Variants in ABHD17B observed in about 807,000 individuals in gnomAD.
ABHD17B encodes alpha/beta hydrolase domain-containing protein 17B.
ABHD17B carries 9 observed loss-of-function variants against 26.2 expected under a neutral mutation model. The ratio of observed to expected loss-of-function variants is 0.34; its 90% confidence interval spans 0.21 to 0.60. The LOEUF (loss-of-function observed/expected upper bound fraction) is 0.60, where lower values mean the gene tolerates loss of function less well. ABHD17B is among the 20% of genes least tolerant of loss of function. The pLI, the probability that ABHD17B is intolerant of heterozygous loss-of-function variation, is 0.80. For synonymous variants in ABHD17B, 127 were observed against 122.3 expected (o/e 1.04, Z -0.25); for missense variants, 224 against 352.1 (o/e 0.64, Z 2.91).
intron 1 of ABHD17B, among the ~76,000 whole-genome samples, chr9:71,877,235 G>C (rs1826303233): frequency 6.6e-6 from 1 of 152,208 alleles, no homozygotes; most frequent in Non-Finnish European, 1.5e-5. Flanking sequence ...CCTGCAGAAA[G>C]ATGATGAGGT....
chr9:71,865,725 G>A lies in ABHD17B; in HGVS notation c.*1062C>T, dbSNP rs755275458. ...AAAATACAAAAATTAGCCAGGCGTG[G>A]TGGCAAGCATCTGTAATACCAGCTA... On this transcript the variant is annotated 3_prime_UTR_variant, in exon 4 of 4. Coordinates refer to ENST00000333421, the MANE Select transcript of ABHD17B (RefSeq NM_001025780.3). The A allele has an allele frequency of 1.5e-5, 9 of 584,190 alleles. No individual in the cohort carries two copies. The highest frequency in any genetic ancestry group is 7.6e-5 in the South Asian group (1 of 13,110). 36.2% of individuals were successfully genotyped at this position (584,190 alleles called of 1,614,324 possible).
At position 71,898,525 on chromosome 9, in the gene ABHD17B, A is replaced by G. The variant is rs556032085; in HGVS notation, c.-4+12109T>C. On this transcript the variant is annotated intron_variant, in intron 1 of 3. Coordinates refer to ENST00000333421, the MANE Select transcript of ABHD17B (RefSeq NM_001025780.3). Reference sequence around the variant, plus strand: ...ATGGCGGTGCATGCCTGTAATCCCAACTACTCAGGAGGCTGAGGCAGGAGA... The same window carrying G: ...ATGGCGGTGCATGCCTGTAATCCCAGCTACTCAGGAGGCTGAGGCAGGAGA... Among the ~76,000 whole-genome samples, 14 of 151,806 alleles carry G rather than the reference A, an allele frequency of 9.2e-5. No homozygotes were observed. In the South Asian group the frequency reaches 2.9e-3, roughly 32 times the overall value.
chr9:71,872,478 G>A (rs1241337923), intron 2 of ABHD17B, among the ~76,000 whole-genome samples: 1 of 152,072 alleles, frequency 6.6e-6, no homozygotes, highest in Non-Finnish European at 1.5e-5. Flanking sequence ...TTTTCATATA[G>A]ACACAGAACA....
intron 3 of ABHD17B, among the ~76,000 whole-genome samples, chr9:71,868,267 T>C (rs1826014890): frequency 1.3e-5 from 2 of 152,068 alleles, no homozygotes; most frequent in South Asian, 2.1e-4. Flanking sequence ...CTTTGGAGAT[T>C]ATTATCAGAT....
At chr9:71,863,594 G>A (rs1825880732), downstream of ABHD17B, among the ~76,000 whole-genome samples, 1 of 152,192 alleles carries the variant, frequency 6.6e-6, no homozygotes, top group Admixed American at 6.5e-5. Context: ...AATTTCTTCT[G>A]TGACACCTAT....
chr9:71,865,846 G>A lies in ABHD17B; in HGVS notation c.*941C>T, dbSNP rs1825943401. On this transcript the variant is annotated 3_prime_UTR_variant, in exon 4 of 4. Coordinates refer to ENST00000333421, the MANE Select transcript of ABHD17B (RefSeq NM_001025780.3). ...ACTGCACTCCAGCCTCAGTGACACA[G>A]CAAGACTCCATCTCAAAAAATGAAA... is the stretch of plus-strand genomic sequence containing the variant. 1.0e-6 allele frequency: 1 copy of A among 971,762 alleles called. No homozygotes were observed. The highest frequency in any genetic ancestry group is 1.2e-6 in the Non-Finnish European group (1 of 817,610). 60.2% of individuals were successfully genotyped at this position (971,762 alleles called of 1,614,324 possible). A position where few individuals can be genotyped will look rare whatever the true frequency, so the allele number is the denominator to read the frequency against.
chr9:71,870,337 T>C, intron 2 of ABHD17B, 75 bp from the exon 3 acceptor site: 2 of 1,346,056 alleles, frequency 1.5e-6, no homozygotes, highest in South Asian at 1.7e-5. Context: ...TTCCAAAGGA[T>C]TTGATCTTAG....
chr9:71,875,971 G>C (rs1045815607), intron 1 of ABHD17B, among the ~76,000 whole-genome samples: 4 of 152,200 alleles, frequency 2.6e-5, no homozygotes, highest in Non-Finnish European at 5.9e-5. Context: ...ACTACACTAT[G>C]TTACTGGGCT....
intron 1 of ABHD17B, among the ~76,000 whole-genome samples, chr9:71,886,186 C>T (rs1021524283): frequency 3.3e-5 from 5 of 152,112 alleles, no homozygotes; most frequent in Non-Finnish European, 5.9e-5. Flanking sequence ...AAACTCTAAG[C>T]TCTGAGTGTT....
At chr9:71,899,769 G>A (rs1017230727) in intron 1 of ABHD17B, among the ~76,000 whole-genome samples, 1 of 151,850 alleles carries the variant, frequency 6.6e-6, no homozygotes, top group African/African-American at 2.4e-5. Flanking sequence ...CCTCTTCTCT[G>A]TAAACTGCCT....
At chr9:71,885,905 G>C (rs1226900855) in intron 1 of ABHD17B, among the ~76,000 whole-genome samples, 1 of 152,112 alleles carries the variant, frequency 6.6e-6, no homozygotes, top group Non-Finnish European at 1.5e-5. Flanking sequence ...TAAGATTTTT[G>C]TTGTACTGAA....
chr9:71,898,388 T>C (rs915862674), intron 1 of ABHD17B, among the ~76,000 whole-genome samples: 4 of 151,708 alleles, frequency 2.6e-5, no homozygotes, highest in East Asian at 3.9e-4. Context: ...TCCAAGCACT[T>C]TGGGAGGCCG....
chr9:71,907,628 C>T (rs1370723039), intron 1 of ABHD17B, among the ~76,000 whole-genome samples: 2 of 152,298 alleles, frequency 1.3e-5, no homozygotes, highest in Admixed American at 6.5e-5. Flanking sequence ...TCTCCTGCCT[C>T]AGCCTCCCGA....
intron 3 of ABHD17B, among the ~76,000 whole-genome samples, chr9:71,868,935 C>T (rs927360315): frequency 8.5e-5 from 13 of 152,108 alleles, no homozygotes; most frequent in Non-Finnish European, 1.2e-4. Flanking sequence ...GTGATCCACC[C>T]GCCACGGCCT....
intron 1 of ABHD17B, among the ~76,000 whole-genome samples, chr9:71,895,446 T>C (rs1826926303): frequency 6.6e-6 from 1 of 152,244 alleles, no homozygotes; most frequent in Non-Finnish European, 1.5e-5. Flanking sequence ...TATATAATTG[T>C]GTTTCAGGCT....
At chr9:71,885,078 G>C (rs1260042930) in intron 1 of ABHD17B, among the ~76,000 whole-genome samples, 1 of 152,114 alleles carries the variant, frequency 6.6e-6, no homozygotes, top group Non-Finnish European at 1.5e-5. Context: ...ATCACTCAAT[G>C]TGTTATGAAA....
At position 71,866,865 on chromosome 9, in the gene ABHD17B, A is replaced by C; in HGVS notation, c.789T>G (p.Gly263=). 1.2e-6 allele frequency: 2 copies of C among 1,614,204 alleles called. No individual in the cohort carries two copies. Among genetic ancestry groups the C allele is most frequent in the Non-Finnish European group, 8.5e-7 (1 of 1,180,030 alleles). ...GTCCATAAAGTTCCACATCATTGTG[A>C]CCTGCTCCTTCAACCCAGAGAGGCT... ...PVEPLWVEGA[G]HNDVELYGQY... is the part of the protein sequence containing the mutation. Residue 263 remains glycine (G), a synonymous_variant, in exon 4 of 4, where the codon GGT becomes GGG. Coordinates refer to ENST00000333421, the MANE Select transcript of ABHD17B (RefSeq NM_001025780.3).
intron 1 of ABHD17B, among the ~76,000 whole-genome samples, chr9:71,878,606 C>T (rs1181046889): frequency 6.6e-6 from 1 of 152,046 alleles, no homozygotes; most frequent in Non-Finnish European, 1.5e-5. Flanking sequence ...AAACTTTTAA[C>T]CTAGAATTGT....
At chr9:71,893,526 G>A (rs2147242) in intron 1 of ABHD17B, among the ~76,000 whole-genome samples, 142,611 of 152,294 alleles carry the variant, frequency 0.94, 67,411 homozygotes, top group East Asian at 1. Flanking sequence ...ATGTAGGAAG[G>A]GGATGCCACC....
Sources: gnomAD v4.1 joint callset for allele counts (sites outside exome capture counted in the v4.1 genomes callset) on GRCh38, gnomAD v4.1.1 for gene constraint, MANE v1.5 for transcripts, NCBI Gene and HGNC (gene_info 2026-07-23, HGNC 2026-07-21) for gene names.